Variants in CFAP46 observed in about 807,000 individuals in gnomAD.
The protein encoded by CFAP46 is cilia and flagella associated protein 46, also known as cilia- and flagella-associated protein 46.
CFAP46 carries 245 observed loss-of-function variants against 325.7 expected under a neutral mutation model. That is an observed-to-expected ratio of 0.75 (90% CI 0.68 to 0.84). The LOEUF (loss-of-function observed/expected upper bound fraction) is 0.84, where lower values mean the gene tolerates loss of function less well. CFAP46 is among the 40% of genes least tolerant of loss of function. The pLI is 0.00. For synonymous variants in CFAP46, 1,523 were observed against 1,495.9 expected, an observed-to-expected ratio of 1.02 and a Z score of -0.42; for missense variants, 3,346 against 3,543.0, an observed-to-expected ratio of 0.94 and a Z score of 1.41.
At chr10:132,909,019 C>T (rs931750522) in intron 21 of CFAP46, 118 bp downstream of exon 21, 19 of 694,506 alleles carry the variant, frequency 2.7e-5, no homozygotes, top group Non-Finnish European at 3.9e-5. Context: ...TGGGGGAGAG[C>T]GGGGCAGAGT....
At chr10:132,836,492 A>C (rs1848249864) in intron 45 of CFAP46, among the ~76,000 whole-genome samples, 1 of 152,210 alleles carries the variant, frequency 6.6e-6, no homozygotes, top group Admixed American at 6.5e-5. Context: ...GGCTGGCTCC[A>C]GGCCAGTGGG....
chr10:132,929,592 C>T (rs139176367), intron 9 of CFAP46, 113 bp downstream of exon 9: 14 of 1,007,130 alleles, frequency 1.4e-5, no homozygotes, highest in South Asian at 1.3e-4. Context: ...AACCACGGAC[C>T]GAAGCCCTGG....
At chr10:132,925,466 C>A (rs1337478681) in intron 10 of CFAP46, among the ~76,000 whole-genome samples, 1 of 152,276 alleles carries the variant, frequency 6.6e-6, no homozygotes, top group African/African-American at 2.4e-5. Context: ...GGTCTGAAAG[C>A]CTCGTACGCC....
chr10:132,823,526 TGCTGTGTGC>T (rs1847942445), intron 50 of CFAP46, among the ~76,000 whole-genome samples: 3 of 113,598 alleles, frequency 2.6e-5, no homozygotes, highest in Non-Finnish European at 3.7e-5. Context: ...GTGCTGTGTG[TGCTGTGTGC>T]GCTGTGTGCT....
intron 3 of CFAP46, 69 bp from the exon 4 acceptor site, chr10:132,941,129 G>T: frequency 6.6e-7 from 1 of 1,523,762 alleles, no homozygotes; most frequent in Non-Finnish European, 9.1e-7. Flanking sequence ...ATCTGCGGAT[G>T]CCACGGCTCC....
intron 8 of CFAP46, among the ~76,000 whole-genome samples, chr10:132,932,222 C>T (rs1309092397): frequency 1.4e-5 from 2 of 138,950 alleles, no homozygotes; most frequent in Admixed American, 1.4e-4. Context: ...CCTGGGTCTC[C>T]CTACACTCCC....
chr10:132,880,872 G>T lies in CFAP46; in HGVS notation c.3788C>A (p.Pro1263His), dbSNP rs1046409023. The change falls in exon 28 of 58, where the codon CCC becomes CAC. Residue 1263 changes from proline (P) to histidine (H), a missense_variant. By Grantham distance (77) the Pro-to-His change is moderately conservative (BLOSUM62 -2). Coordinates refer to ENST00000368586, the MANE Select transcript of CFAP46 (RefSeq NM_001200049.3). ...CGGCGTGGGCTCACCATCCGGCGTG[G>T]GCTGTGGCTCAGGGACATCGCCGGG... ...KPPGDVPEPQ[P>H]TPDGEYVAVE... 1.9e-6 allele frequency: 3 copies of T among 1,548,386 alleles called. No homozygotes were observed. Among genetic ancestry groups the T allele is most frequent in the Non-Finnish European group, 2.6e-6 (3 of 1,146,912 alleles).
At chr10:132,942,236 G>T (rs575737330) in intron 1 of CFAP46, 132 bp from the exon 2 acceptor site, 19 of 1,295,492 alleles carry the variant, frequency 1.5e-5, no homozygotes, top group Non-Finnish European at 2.0e-5. Flanking sequence ...ACCTGTCGCC[G>T]CCAGGGAGCA....
chr10:132,899,202 G>A (rs1849359969), intron 23 of CFAP46, 81 bp from the exon 24 acceptor site: 1 of 1,437,336 alleles, frequency 7.0e-7, no homozygotes, highest in African/African-American at 1.4e-5. Flanking sequence ...AGGAAGGTCG[G>A]GCGCCCAGGG....
At chr10:132,938,447 T>A (rs1850044768) in intron 5 of CFAP46, 142 bp downstream of exon 5, 6 of 807,144 alleles carry the variant, frequency 7.4e-6, no homozygotes, top group Non-Finnish European at 7.8e-6. Flanking sequence ...ACACAGAAAC[T>A]TGTGACTGTG....
Position 132,908,503 on chromosome 10 carries a change from C to T in CFAP46, c.2889G>A (p.Leu963=). 1 of 1,550,582 alleles carries T rather than the reference C, an allele frequency of 6.4e-7. No individual in the cohort carries two copies. The highest frequency in any genetic ancestry group is 1.2e-5 in the South Asian group (1 of 84,070). ...TCTTCAGGTACTTGATGCCCATCTCCAGAGCCCTGTGAGCACAGGCCATGG... is the reference window on the plus strand; with the variant it reads ...TCTTCAGGTACTTGATGCCCATCTCTAGAGCCCTGTGAGCACAGGCCATGG... ...ETTMACAHRA[L]EMGIKYLKKF... The change falls in exon 22 of 58, where the codon CTG becomes CTA. Residue 963 remains leucine, a synonymous_variant. Transcript: ENST00000368586.
intron 6 of CFAP46, chr10:132,937,281 A>G: frequency 1.9e-6 from 1 of 539,278 alleles, no homozygotes; most frequent in Non-Finnish European, 3.2e-6. Flanking sequence ...TAACTTTAAA[A>G]AAATTCAAAG....
intron 32 of CFAP46, among the ~76,000 whole-genome samples, chr10:132,872,253 T>C (rs1848903797): frequency 1.3e-5 from 2 of 152,162 alleles, no homozygotes; most frequent in Admixed American, 6.5e-5. Context: ...AATATCATAT[T>C]TTATCTTTTA....
intron 3 of CFAP46, 151 bp downstream of exon 3, chr10:132,941,440 G>T: frequency 9.2e-7 from 1 of 1,084,796 alleles, no homozygotes; most frequent in South Asian, 1.6e-5. Flanking sequence ...AGCATGGACA[G>T]GAAATGGTGC....
At chr10:132,879,715 T>G in intron 28 of CFAP46, 84 bp from the exon 29 acceptor site, 1 of 1,341,712 alleles carries the variant, frequency 7.5e-7, no homozygotes, top group Middle Eastern at 2.7e-4. Context: ...TGCCCGAGGC[T>G]GTGGTGGACT....
Position 132,885,203 on chromosome 10 carries a change from C to A in CFAP46, c.3527G>T (p.Ser1176Ile). 1 of 1,550,540 alleles carries A rather than the reference C, an allele frequency of 6.4e-7. No individual in the cohort carries two copies. Among genetic ancestry groups the A allele is most frequent in the Non-Finnish European group, 8.7e-7 (1 of 1,146,982 alleles). Reference protein sequence around the residue: ...SMEIQKFKAESEDYLARMWHR... With the variant: ...SMEIQKFKAEIEDYLARMWHR... Reference sequence around the variant, plus strand: ...CCACATGCGCGCCAAGTAGTCCTCACTCTCGGCCTTGAATTTCTGTATTTC... The same window carrying A: ...CCACATGCGCGCCAAGTAGTCCTCAATCTCGGCCTTGAATTTCTGTATTTC... The change falls in exon 27 of 58, where the codon AGT (serine) becomes ATT (isoleucine). Residue 1176 changes from serine (S) to isoleucine (I), a missense_variant. Coordinates refer to ENST00000368586, the MANE Select transcript of CFAP46 (RefSeq NM_001200049.3).
At chr10:132,861,080 G>A (rs563089411) in intron 35 of CFAP46, 98 bp from the exon 36 acceptor site, 172 of 1,194,456 alleles carry the variant, frequency 1.4e-4, no homozygotes, top group Non-Finnish European at 1.3e-4. Flanking sequence ...GAGACAGAGA[G>A]GCAGAGACAG....
At position 132,866,166 on chromosome 10, in the gene CFAP46, C is replaced by T. The variant is rs1156467317; in HGVS notation, c.4749G>A (p.Leu1583=). Residue 1583 remains leucine (L), a synonymous_variant, in exon 35 of 58, where the codon TTG becomes TTA. Coordinates refer to ENST00000368586, the MANE Select transcript of CFAP46 (RefSeq NM_001200049.3). ...IKPLDAKDKI[L]KMNGETGRDL... is the part of the protein sequence containing the mutation. ...CCCTCCCGGTCTCCCCATTCATCTT[C>T]AAAATCTGTAAGATACCGCAGCCCC... The T allele has an allele frequency of 1.3e-6, 2 of 1,524,620 alleles. No homozygotes were observed. Among genetic ancestry groups the T allele is most frequent in the Non-Finnish European group, 1.8e-6 (2 of 1,134,910 alleles). The allele number at this position is 1,524,620 out of a possible 1,614,324, so 94.4% of individuals were successfully genotyped here.
At position 132,939,963 on chromosome 10, in the gene CFAP46, GCT is replaced by G. The variant is rs1318307275; in HGVS notation, c.371+1031_371+1032del. Among the ~76,000 whole-genome samples the G allele has an allele frequency of 6.6e-6, 1 of 152,120 alleles. No individual in the cohort carries two copies. Among genetic ancestry groups the G allele is most frequent in the Non-Finnish European group, 1.5e-5 (1 of 68,018 alleles). On this transcript the variant is annotated intron_variant, in intron 4 of 57. Transcript: ENST00000368586. This position sits in a 1 kb window ranked among gnomAD's most constrained non-coding sequence, Gnocchi z 4.6. ...AAAGATGGTCCTGACCTCTGGCAAG[GCT>G]CTGTCACCCCCTGACCCGTCCACAG...
Sources: gnomAD v4.1 joint callset for allele counts (sites outside exome capture counted in the v4.1 genomes callset) on GRCh38, gnomAD v4.1.1 for gene constraint, Gnocchi (gnomAD v3.1) non-coding constraint, MANE v1.5 for transcripts, NCBI Gene and HGNC (gene_info 2026-07-23, HGNC 2026-07-21) for gene names.